AGT: variants seen among roughly 807,000 people sequenced by gnomAD.
AGT encodes the protein alpha-1 antiproteinase, antitrypsin.
AGT carries 26 observed loss-of-function variants against 28.1 expected under a neutral mutation model. The observed-to-expected ratio is 0.92, with a 90% CI of 0.68 to 1.28. AGT has a LOEUF of 1.28. AGT is among the 50% of genes most tolerant of loss of function. The pLI, the probability that AGT is intolerant of heterozygous loss-of-function variation, is 0.00. For synonymous variants in AGT, 259 were observed against 259.6 expected (o/e 1.00, Z 0.02); for missense variants, 596 against 592.3 (o/e 1.01, Z -0.06).
At chr1:230,710,894 C>G (rs1213642962) in intron 1 of AGT, 41 bp from the exon 2 acceptor site, 1 of 1,601,434 alleles carries the variant, frequency 6.2e-7, no homozygotes, top group Non-Finnish European at 8.5e-7. Context: ...TGGTTATTAA[C>G]TGACCTTTAA....
chr1:230,706,787 T>C (rs1254991565), intron 2 of AGT, among the ~76,000 whole-genome samples: 3 of 152,128 alleles, frequency 2.0e-5, no homozygotes, highest in Non-Finnish European at 4.4e-5. Context: ...TTTCTTTGAG[T>C]CTCCCTCCTG....
intron 1 of AGT, among the ~76,000 whole-genome samples, chr1:230,729,958 G>A (rs536849248): frequency 1.8e-4 from 28 of 151,952 alleles, no homozygotes; most frequent in Non-Finnish European, 1.6e-4. Context: ...TCAGGAGATC[G>A]AAACCATCCT....
At chr1:230,731,717 A>G (rs963705041) in intron 1 of AGT, among the ~76,000 whole-genome samples, 3 of 152,082 alleles carry the variant, frequency 2.0e-5, no homozygotes, top group Non-Finnish European at 4.4e-5. Flanking sequence ...AATACAAAAA[A>G]TTAGCCAGGC....
intron 1 of AGT, among the ~76,000 whole-genome samples, chr1:230,741,068 G>A (rs902399156): frequency 3.3e-5 from 5 of 152,220 alleles, no homozygotes; most frequent in Admixed American, 6.5e-5. Context: ...ATGAGAAGGA[G>A]AAAGGAAATC....
At chr1:230,734,877 C>CA (rs1553316235) in intron 1 of AGT, among the ~76,000 whole-genome samples, 1 of 149,230 alleles carries the variant, frequency 6.7e-6, no homozygotes, top group Admixed American at 6.7e-5. Context: ...GCCTGGCTAA[C>CA]TTTTTTTTTT....
intron 1 of AGT, among the ~76,000 whole-genome samples, chr1:230,729,218 G>A (rs1348435611): frequency 2.0e-5 from 3 of 152,114 alleles, no homozygotes; most frequent in Admixed American, 6.5e-5. Flanking sequence ...ACTTTCATCC[G>A]CACTCAGCAA....
In AGT at chr1:230,702,906, C is replaced by T; in HGVS notation, c.*235G>A. The stretch of plus-strand genomic sequence containing the variant: ...CCCCCATTCTCTAAAATAAACCCAG[C>T]AAACTGGGAGGTGCATTTGTGCCGC... On this transcript the variant is annotated 3_prime_UTR_variant, in exon 5 of 5. Coordinates refer to ENST00000366667, the MANE Select transcript of AGT (RefSeq NM_001384479.1). 3.5e-6 allele frequency: 2 copies of T among 563,472 alleles called. No individual in the cohort carries two copies. Among genetic ancestry groups the T allele is most frequent in the Non-Finnish European group, 6.3e-6 (2 of 316,736 alleles). 34.9% of individuals were successfully genotyped at this position (563,472 alleles called of 1,614,324 possible). A position where few individuals can be genotyped will look rare whatever the true frequency, so the allele number is the denominator to read the frequency against.
upstream of AGT, among the ~76,000 whole-genome samples, chr1:230,718,887 G>A (rs967934236): frequency 2.6e-5 from 4 of 151,866 alleles, no homozygotes; most frequent in South Asian, 6.2e-4. Context: ...CATGACACCT[G>A]GCCAACTTTT....
At chr1:230,737,835 G>A (rs1664182665) in intron 1 of AGT, among the ~76,000 whole-genome samples, 1 of 152,058 alleles carries the variant, frequency 6.6e-6, no homozygotes, top group African/African-American at 2.4e-5. Flanking sequence ...GTCAATTTTA[G>A]AAGATTTCAT....
upstream of AGT, among the ~76,000 whole-genome samples, chr1:230,717,344 C>T (rs904326158): frequency 1.3e-5 from 2 of 152,042 alleles, no homozygotes; most frequent in African/African-American, 2.4e-5. Context: ...CTCCTACTTT[C>T]CAATCTCTTG....
intron 1 of AGT, among the ~76,000 whole-genome samples, chr1:230,733,388 C>T (rs1039701938): frequency 6.6e-6 from 1 of 152,174 alleles, no homozygotes; most frequent in African/African-American, 2.4e-5. Context: ...TCCAAATACA[C>T]TTTTCCACAT....
upstream of AGT, among the ~76,000 whole-genome samples, chr1:230,716,963 A>G (rs562791350): frequency 3.3e-5 from 5 of 151,836 alleles, no homozygotes; most frequent in Admixed American, 2.6e-4. Flanking sequence ...AAGGGAAGAC[A>G]TAAGAGACTC....
chr1:230,706,686 C>T (rs1341787243), intron 2 of AGT, among the ~76,000 whole-genome samples: 1 of 152,222 alleles, frequency 6.6e-6, no homozygotes, highest in African/African-American at 2.4e-5. Flanking sequence ...TACACAGCCT[C>T]CCCCGTGATC....
In AGT at chr1:230,704,724, A is replaced by G. The variant is rs61757183; in HGVS notation, c.1098-387T>C. Among the ~76,000 whole-genome samples the G allele has an allele frequency of 4.6e-5, 7 of 152,342 alleles. 1 individual carries two copies. The highest frequency in any genetic ancestry group is 1.7e-4 in the African/African-American group (7 of 41,576). ...TGTTCTTGATGACATGACACCCATGAAAAGGAGAGAGGCAGGAGGGTACAG... is the reference window on the plus strand; with the variant it reads ...TGTTCTTGATGACATGACACCCATGGAAAGGAGAGAGGCAGGAGGGTACAG... On this transcript the variant is annotated intron_variant, in intron 3 of 4. Transcript: ENST00000366667.
At chr1:230,703,994 A>G (rs567082205) in intron 4 of AGT, among the ~76,000 whole-genome samples, 199 bp downstream of exon 4, 1 of 152,266 alleles carries the variant, frequency 6.6e-6, no homozygotes, top group African/African-American at 2.4e-5. Flanking sequence ...CACAGCAGGG[A>G]TGGGGAGGGA....
At chr1:230,738,069 A>G (rs1044826122) in intron 1 of AGT, among the ~76,000 whole-genome samples, 2 of 152,220 alleles carry the variant, frequency 1.3e-5, no homozygotes, top group African/African-American at 4.8e-5. Context: ...CACTACGTGG[A>G]TATACCACAC....
intron 1 of AGT, among the ~76,000 whole-genome samples, chr1:230,734,223 A>G (rs1664115227): frequency 6.6e-6 from 1 of 152,204 alleles, no homozygotes; most frequent in South Asian, 2.1e-4. Flanking sequence ...TAGAAAGGAC[A>G]TTCTGACATA....
intron 4 of AGT, among the ~76,000 whole-genome samples, chr1:230,703,789 A>G (rs1243360731): frequency 6.6e-6 from 1 of 152,244 alleles, no homozygotes; most frequent in Admixed American, 6.5e-5. Flanking sequence ...GCAGATGTGC[A>G]TGGTGCCACA....
intron 2 of AGT, among the ~76,000 whole-genome samples, chr1:230,709,292 G>A (rs972772688): frequency 4.6e-5 from 7 of 152,136 alleles, no homozygotes; most frequent in Non-Finnish European, 1.0e-4. Context: ...TCTGTGGCTG[G>A]GTGCAGTGGC....
Sources: gnomAD v4.1 joint callset for allele counts (sites outside exome capture counted in the v4.1 genomes callset) on GRCh38, gnomAD v4.1.1 for gene constraint, MANE v1.5 for transcripts, NCBI Gene and HGNC (gene_info 2026-07-23, HGNC 2026-07-21) for gene names.